The following EXOC4 variants were observed in gnomAD, a reference collection of about 807,000 sequenced individuals.
The protein encoded by EXOC4 is SEC8-like 1.
A neutral mutation model predicts 107.2 loss-of-function variants in EXOC4; 71 were observed. That is an observed-to-expected ratio of 0.66 (90% CI 0.55 to 0.81). The LOEUF (loss-of-function observed/expected upper bound fraction) is 0.81. Ranked by LOEUF, EXOC4 falls within the 30% of genes least tolerant of loss-of-function variation. The pLI is 0.00. For synonymous variants in EXOC4, 456 were observed against 441.2 expected (o/e 1.03, Z -0.42); for missense variants, 1,108 against 1,189.6 (o/e 0.93, Z 1.01).
chr7:133,816,592 T>C (rs1040909706), intron 10 of EXOC4, among the ~76,000 whole-genome samples: 3 of 152,178 alleles, frequency 2.0e-5, no homozygotes, highest in Admixed American at 6.5e-5. Context: ...GACATTTATA[T>C]ATATACATGT....
chr7:133,587,510 G>C (rs1801434225), intron 9 of EXOC4, among the ~76,000 whole-genome samples: 1 of 152,186 alleles, frequency 6.6e-6, no homozygotes, highest in Non-Finnish European at 1.5e-5. Context: ...GCCTTGGACA[G>C]GTGGGGAGTT....
At chr7:133,894,746 T>C (rs1585229047) in intron 11 of EXOC4, among the ~76,000 whole-genome samples, 1 of 82,386 alleles carries the variant, frequency 1.2e-5, no homozygotes, top group Admixed American at 9.2e-5. Flanking sequence ...TGCTCGGGGG[T>C]CAGGGGTCAG....
At chr7:133,469,740 G>A (rs916461124) in intron 7 of EXOC4, among the ~76,000 whole-genome samples, 1 of 152,148 alleles carries the variant, frequency 6.6e-6, no homozygotes, top group Admixed American at 6.5e-5. Context: ...TAACACTATG[G>A]AAAACATTTA....
At position 134,005,062 on chromosome 7, in the gene EXOC4, G is replaced by A. The variant is rs1172882014; in HGVS notation, c.2499G>A (p.Gln833=). Residue 833 remains glutamine, a synonymous_variant, in exon 16 of 18, where the codon CAG becomes CAA. Transcript: ENST00000253861. ...AAGAGGCCATGAGCGCCAGCCTTCA[G>A]CAGCACAAGTTCCAGTATATCTTCG... ...AIEEAMSASL[Q]QHKFQYIFEG... 3 of 1,613,274 alleles carry A rather than the reference G, an allele frequency of 1.9e-6. No homozygotes were observed. Among genetic ancestry groups the A allele is most frequent in the Admixed American group, 3.3e-5 (2 of 59,962 alleles).
Position 133,910,205 on chromosome 7 carries a change from A to G in EXOC4, c.1872-7378A>G, listed in dbSNP as rs549323397. Among the ~76,000 whole-genome samples, 5 of 152,330 alleles carry G rather than the reference A, an allele frequency of 3.3e-5. No individual in the cohort carries two copies. The East Asian group carries it at 9.7e-4, about 29-fold the overall frequency. On this transcript the variant is annotated intron_variant, in intron 12 of 17. Coordinates refer to ENST00000253861, the MANE Select transcript of EXOC4 (RefSeq NM_021807.4). ...CCAAAGTGCTGGGATTACAGGCGTC[A>G]ACCACTGCGTCCAGCTGAGACAGAT... is the stretch of plus-strand genomic sequence containing the variant.
At chr7:133,494,802 A>AT (rs1242017631) in intron 9 of EXOC4, among the ~76,000 whole-genome samples, 6 of 152,168 alleles carry the variant, frequency 3.9e-5, no homozygotes, top group African/African-American at 1.2e-4. Flanking sequence ...CTTCCAGGAC[A>AT]TTTTTTAGGC....
chr7:133,598,579 A>G (rs1425291427), intron 9 of EXOC4, among the ~76,000 whole-genome samples: 2 of 152,246 alleles, frequency 1.3e-5, no homozygotes, highest in Non-Finnish European at 2.9e-5. Context: ...GTCTAGAACA[A>G]CTAGGGTATG....
chr7:134,003,822 GA>G (rs1346662394), intron 15 of EXOC4, among the ~76,000 whole-genome samples: 18 of 151,748 alleles, frequency 1.2e-4, no homozygotes, highest in African/African-American at 4.1e-4. Context: ...GAAACACTTT[GA>G]TTACAACTTT....
At chr7:133,646,912 G>A (rs1325431176) in intron 10 of EXOC4, among the ~76,000 whole-genome samples, 1 of 152,134 alleles carries the variant, frequency 6.6e-6, no homozygotes, top group African/African-American at 2.4e-5. Flanking sequence ...TCCTAAACAA[G>A]CATGATTAAA....
chr7:133,931,630 A>G (rs564190598), intron 13 of EXOC4, among the ~76,000 whole-genome samples: 7 of 152,354 alleles, frequency 4.6e-5, no homozygotes, highest in African/African-American at 1.7e-4. Context: ...TACACGTTAT[A>G]TAGAGCTGAG....
intron 10 of EXOC4, among the ~76,000 whole-genome samples, chr7:133,737,704 C>A (rs2345948): frequency 0.99 from 150,039 of 152,120 alleles, 74,040 homozygotes; most frequent in Middle Eastern, 1. Flanking sequence ...ATACATGACA[C>A]AGAAGAGGTT....
intron 10 of EXOC4, among the ~76,000 whole-genome samples, chr7:133,714,492 C>G (rs1286113317): frequency 6.6e-6 from 1 of 152,174 alleles, no homozygotes; most frequent in Non-Finnish European, 1.5e-5. Flanking sequence ...TCAAATCTAG[C>G]TGTCTTTTCC....
chr7:133,423,304 TTC>T (rs1242920710), intron 7 of EXOC4, among the ~76,000 whole-genome samples: 1 of 152,262 alleles, frequency 6.6e-6, no homozygotes, highest in Non-Finnish European at 1.5e-5. Flanking sequence ...TTTGTGAGAA[TTC>T]TTCTAGAGAT....
intron 9 of EXOC4, among the ~76,000 whole-genome samples, chr7:133,507,263 A>C (rs1799684584): frequency 6.6e-6 from 1 of 152,096 alleles, no homozygotes; most frequent in Non-Finnish European, 1.5e-5. Flanking sequence ...TTGGTACTCT[A>C]AAAAAATTTC....
chr7:134,014,299 G>A (rs1794842769), intron 17 of EXOC4, among the ~76,000 whole-genome samples: 1 of 152,158 alleles, frequency 6.6e-6, no homozygotes, highest in Non-Finnish European at 1.5e-5. Context: ...AACTACTCGG[G>A]AGGGTGAGGC....
At chr7:133,713,316 C>G (rs1461049232) in intron 10 of EXOC4, among the ~76,000 whole-genome samples, 5 of 152,050 alleles carry the variant, frequency 3.3e-5, no homozygotes, top group Non-Finnish European at 7.4e-5. Context: ...TCATTCCTAC[C>G]AACTAGATTG....
At chr7:133,495,142 C>T (rs1799447865) in intron 9 of EXOC4, among the ~76,000 whole-genome samples, 2 of 151,906 alleles carry the variant, frequency 1.3e-5, no homozygotes, top group Non-Finnish European at 1.5e-5. Context: ...ATCCCAGCTA[C>T]TAGGGAGGCT....
chr7:133,542,169 T>TTG (rs3046171), intron 9 of EXOC4, among the ~76,000 whole-genome samples: 3,968 of 145,914 alleles, frequency 0.027, 80 homozygotes, highest in African/African-American at 0.068. Flanking sequence ...AAATTTTATC[T>TTG]TGTGTGTGTG....
In EXOC4 at chr7:133,585,914, C is replaced by T. The variant is rs188507080; in HGVS notation, c.1418-44131C>T. 8.9e-4 allele frequency among the ~76,000 whole-genome samples: 135 copies of T among 152,054 alleles called. 1 individual carries two copies. The highest frequency in any genetic ancestry group is 2.9e-3 in the African/African-American group (120 of 41,482). On this transcript the variant is annotated intron_variant, in intron 9 of 17. Transcript: ENST00000253861. ...TTCACCATGTTGGCCAGGCTGGTCT[C>T]GAACTCCTGACCTCAAGTGATCTGC...
Sources: allele counts gnomAD v4.1 joint callset (sites outside exome capture counted in the v4.1 genomes callset), GRCh38; gene constraint gnomAD v4.1.1; transcripts MANE v1.5; gene names NCBI Gene and HGNC (gene_info 2026-07-23, HGNC 2026-07-21).